The following PFDN2 variants were observed in gnomAD, a reference collection of about 807,000 sequenced individuals.
PFDN2 encodes prefoldin subunit 2, also known as prefoldin 2.
Under a neutral mutation model 18.3 loss-of-function variants are expected in PFDN2, and 7 were observed. That is an observed-to-expected ratio of 0.38 (90% CI 0.22 to 0.72). The LOEUF (loss-of-function observed/expected upper bound fraction) is 0.72. PFDN2 is among the 30% of genes least tolerant of loss of function. The probability of loss-of-function intolerance (pLI) is 0.47; values close to 1 mark genes in which losing one functional copy is unlikely to be tolerated. For synonymous variants in PFDN2, 76 were observed against 75.0 expected (o/e 1.01, Z -0.07); for missense variants, 181 against 199.1 (o/e 0.91, Z 0.55).
chr1:161,107,435 A>G (rs1388774463), intron 1 of PFDN2, among the ~76,000 whole-genome samples: 1 of 151,744 alleles, frequency 6.6e-6, no homozygotes, highest in Non-Finnish European at 1.5e-5. Context: ...AAAAAAAAAA[A>G]AAAAAAAAAA....
intron 3 of PFDN2, among the ~76,000 whole-genome samples, chr1:161,101,313 C>T (rs934481712): frequency 6.6e-6 from 1 of 151,718 alleles, no homozygotes; most frequent in Admixed American, 6.6e-5. Context: ...CATTCTCCTG[C>T]CTTGCCCTCC....
At chr1:161,104,072 A>T (rs1654632425) in intron 1 of PFDN2, among the ~76,000 whole-genome samples, 1 of 152,196 alleles carries the variant, frequency 6.6e-6, no homozygotes. Context: ...TCTCCCACAT[A>T]ATTCTAATGT....
intron 1 of PFDN2, among the ~76,000 whole-genome samples, chr1:161,105,560 C>T (rs886489942): frequency 4.8e-4 from 71 of 147,004 alleles, no homozygotes; most frequent in African/African-American, 1.2e-3. Flanking sequence ...CGGGTTCAAG[C>T]GATTCTCCTG....
At chr1:161,107,021 G>A (rs571434012) in intron 1 of PFDN2, among the ~76,000 whole-genome samples, 1 of 148,950 alleles carries the variant, frequency 6.7e-6, no homozygotes, top group Non-Finnish European at 1.5e-5. Flanking sequence ...TATTGCCCAG[G>A]CTGGTCTTGA....
intron 1 of PFDN2, 130 bp downstream of exon 1, chr1:161,117,822 G>A (rs1278207066): frequency 2.4e-6 from 2 of 829,492 alleles, no homozygotes; most frequent in East Asian, 2.9e-5. Flanking sequence ...CTTTTCCGGG[G>A]ACCCTTCCCT....
At chr1:161,104,337 G>A (rs1294803909) in intron 1 of PFDN2, among the ~76,000 whole-genome samples, 1 of 151,822 alleles carries the variant, frequency 6.6e-6, no homozygotes, top group Non-Finnish European at 1.5e-5. Context: ...AAATACGAGT[G>A]TATTTGCAAA....
intron 1 of PFDN2, among the ~76,000 whole-genome samples, chr1:161,104,606 T>G (rs1365762707): frequency 6.6e-6 from 1 of 151,800 alleles, no homozygotes; most frequent in Non-Finnish European, 1.5e-5. Context: ...CACCTAATAT[T>G]TTTGTAGAGA....
At chr1:161,115,240 T>C (rs1654884590) in intron 1 of PFDN2, among the ~76,000 whole-genome samples, 1 of 152,178 alleles carries the variant, frequency 6.6e-6, no homozygotes, top group African/African-American at 2.4e-5. Flanking sequence ...ATTTTTTTAT[T>C]TTTAGTAGCG....
At chr1:161,116,874 A>G (rs1203614955) in intron 1 of PFDN2, among the ~76,000 whole-genome samples, 1 of 152,054 alleles carries the variant, frequency 6.6e-6, no homozygotes, top group Non-Finnish European at 1.5e-5. Flanking sequence ...AAAACAATAA[A>G]AATAAAAATC....
intron 1 of PFDN2, among the ~76,000 whole-genome samples, chr1:161,114,647 A>AT (rs1654870282): frequency 6.6e-6 from 1 of 152,200 alleles, no homozygotes; most frequent in Non-Finnish European, 1.5e-5. Context: ...AATACTCTAA[A>AT]TTCAGTGATG....
chr1:161,103,974 A>C (rs1654631341), intron 1 of PFDN2, among the ~76,000 whole-genome samples: 1 of 152,144 alleles, frequency 6.6e-6, no homozygotes, highest in Admixed American at 6.6e-5. Flanking sequence ...GAATCACCTG[A>C]ATCATTTTAA....
At chr1:161,104,308 A>G (rs190576602) in intron 1 of PFDN2, among the ~76,000 whole-genome samples, 27 of 152,262 alleles carry the variant, frequency 1.8e-4, no homozygotes, top group Non-Finnish European at 3.7e-4. Context: ...AGTGGACTCA[A>G]TCCATTCAAA....
chr1:161,103,804 T>G (rs189694396), intron 1 of PFDN2, among the ~76,000 whole-genome samples: 1 of 151,492 alleles, frequency 6.6e-6, no homozygotes, highest in African/African-American at 2.4e-5. Flanking sequence ...GTAATGGTCT[T>G]AAATGAAACC....
At chr1:161,107,807 T>G (rs967668697) in intron 1 of PFDN2, among the ~76,000 whole-genome samples, 1 of 150,196 alleles carries the variant, frequency 6.7e-6, no homozygotes, top group African/African-American at 2.5e-5. Flanking sequence ...CAGAGTGAGA[T>G]TCTGTCTCAA....
chr1:161,107,015 G>T (rs572813559), intron 1 of PFDN2, among the ~76,000 whole-genome samples: 1 of 152,256 alleles, frequency 6.6e-6, no homozygotes, highest in South Asian at 2.1e-4. Flanking sequence ...TTGCCATATT[G>T]CCCAGGCTGG....
At chr1:161,107,613 A>G (rs1483572002) in intron 1 of PFDN2, among the ~76,000 whole-genome samples, 2 of 149,576 alleles carry the variant, frequency 1.3e-5, no homozygotes, top group East Asian at 2.0e-4. Context: ...TCAGGAGTTC[A>G]CGACCAGCCT....
intron 1 of PFDN2, among the ~76,000 whole-genome samples, chr1:161,114,907 A>G (rs1557965696): frequency 1.3e-5 from 2 of 152,178 alleles, no homozygotes; most frequent in African/African-American, 4.8e-5. Context: ...GCAGCACACT[A>G]TAAATCTTTA....
rs1199455378 is a variant in PFDN2, at chr1:161,100,808, C to A, written c.340G>T (p.Glu114Ter). The change falls in exon 4 of 4, where the codon GAA becomes TAA. Residue 114 changes from glutamate to a stop codon, truncating the protein, a stop_gained. Transcript: ENST00000368010. LOFTEE classifies it high-confidence loss of function. ...TGCTTTTCCCGGAATTCATTTAGTT[C>A]TTTTCCCTTTGCCTGAAGCTGCTGT... ...LTQQLQAKGK[E>*]LNEFREKHNI... 6 of 1,613,956 alleles carry A rather than the reference C, an allele frequency of 3.7e-6. No homozygotes were observed. The highest frequency in any genetic ancestry group is 5.1e-6 in the Non-Finnish European group (6 of 1,179,860).
At position 161,117,988 on chromosome 1, in the gene PFDN2, C is replaced by G; in HGVS notation, c.39G>C (p.Gly13=). 1 of 1,612,862 alleles carries G rather than the reference C, an allele frequency of 6.2e-7. No individual in the cohort carries two copies. The highest frequency in any genetic ancestry group is 8.5e-7 in the Non-Finnish European group (1 of 1,179,550). ...ENSGRAGKSS[G]SGAGKGAVSA... is the part of the protein sequence containing the mutation. ...ACACCGCCCCCTTCCCCGCGCCGCT[C>G]CCGCTGCTCTTGCCGGCGCGACCGC... Residue 13 remains glycine, a synonymous_variant, in exon 1 of 4, where the codon GGG becomes GGC. Coordinates refer to ENST00000368010, the MANE Select transcript of PFDN2 (RefSeq NM_012394.4).
Sources: allele counts gnomAD v4.1 joint callset (sites outside exome capture counted in the v4.1 genomes callset), GRCh38; gene constraint gnomAD v4.1.1; transcripts MANE v1.5; gene names NCBI Gene and HGNC (gene_info 2026-07-23, HGNC 2026-07-21).